The following ADCY3 variants were observed in gnomAD, a reference collection of about 807,000 sequenced individuals.
The protein encoded by ADCY3 is adenylate cyclase type 3.
A neutral mutation model predicts 119.4 loss-of-function variants in ADCY3; 70 were observed. The observed-to-expected ratio is 0.59, with a 90% CI of 0.48 to 0.72. The LOEUF is 0.72. Ranked by LOEUF, ADCY3 falls within the 30% of genes least tolerant of loss-of-function variation. ADCY3 has a pLI of 0.00. For synonymous variants in ADCY3, 672 were observed against 621.4 expected (o/e 1.08, Z -1.21); for missense variants, 1,238 against 1,541.6 (o/e 0.80, Z 3.30).
chr2:24,916,175 G>A (rs1664428493), intron 2 of ADCY3, among the ~76,000 whole-genome samples: 1 of 152,150 alleles, frequency 6.6e-6, no homozygotes, highest in South Asian at 2.1e-4. Flanking sequence ...AAGTTTTAGG[G>A]TTTTATGTCT....
In ADCY3 at chr2:24,842,492, A is replaced by G; in HGVS notation, c.826-108T>C. ...ATCCTGGCAAGAAACGTGAGCAGGG[A>G]ACCATGCTGCCCTCCAGAGAGACCT... On this transcript the variant is annotated intron_variant, in intron 3 of 21. Coordinates refer to ENST00000679454, the MANE Select transcript of ADCY3 (RefSeq NM_004036.5). This position sits in a 1 kb window ranked among gnomAD's most constrained non-coding sequence, Gnocchi z 4.9. 7.1e-7 allele frequency: 1 copy of G among 1,407,568 alleles called. No homozygotes were observed. The highest frequency in any genetic ancestry group is 9.7e-7 in the Non-Finnish European group (1 of 1,029,312). 87.2% of individuals were successfully genotyped at this position (1,407,568 alleles called of 1,614,324 possible).
At chr2:24,874,932 C>T (rs909646996) in intron 2 of ADCY3, among the ~76,000 whole-genome samples, 1 of 152,232 alleles carries the variant, frequency 6.6e-6, no homozygotes, top group African/African-American at 2.4e-5. Context: ...CCTGACCCTG[C>T]TTCCAGCCTG....
chr2:24,904,332 C>T (rs910556631), intron 2 of ADCY3, among the ~76,000 whole-genome samples: 1 of 151,962 alleles, frequency 6.6e-6, no homozygotes, highest in Admixed American at 6.6e-5. Context: ...GAGTTTGAGG[C>T]CAGCCTGACC....
chr2:24,824,450 G>A lies in ADCY3; in HGVS notation c.2664C>T (p.Asn888=), dbSNP rs1031082505. 26 of 1,614,226 alleles carry A rather than the reference G, an allele frequency of 1.6e-5. No homozygotes were observed. The highest frequency in any genetic ancestry group is 2.2e-5 in the South Asian group (2 of 91,090). ...GCAACATGTTGGTGACCAAGGCCTC[G>A]TTCCAGCGTCGCATCTCATAGACAC... ...KERVYEMRRW[N]EALVTNMLPE... is the part of the protein sequence containing the mutation. Residue 888 remains asparagine, a synonymous_variant, in exon 17 of 22, where the codon AAC becomes AAT. Transcript: ENST00000679454.
intron 2 of ADCY3, among the ~76,000 whole-genome samples, chr2:24,886,569 CA>C (rs1677055525): frequency 6.6e-6 from 1 of 152,182 alleles, no homozygotes; most frequent in Admixed American, 6.5e-5. Context: ...TTCGCCTTGA[CA>C]CAGAAACTCT....
At chr2:24,857,791 A>G (rs977177180) in intron 3 of ADCY3, among the ~76,000 whole-genome samples, 7 of 152,152 alleles carry the variant, frequency 4.6e-5, no homozygotes, top group African/African-American at 7.2e-5. Context: ...TAAAGGCCCA[A>G]GAAAATTATA....
Position 24,827,560 on chromosome 2 carries a change from G to C in ADCY3, c.2481C>G (p.Leu827=). ...LEQMQGFNPG[L]NGTDRLPLVP... ...GTGGCCCTTACCTGTCAGTGCCATT[G>C]AGCCCAGGGTTGAATCCTTGCATCT... is the stretch of plus-strand genomic sequence containing the variant. Residue 827 remains leucine, a synonymous_variant, in exon 15 of 22, where the codon CTC becomes CTG. Transcript: ENST00000679454. 1 of 1,588,486 alleles carries C rather than the reference G, an allele frequency of 6.3e-7. No homozygotes were observed. Among genetic ancestry groups the C allele is most frequent in the South Asian group, 1.1e-5 (1 of 87,722 alleles).
chr2:24,889,926 C>T (rs1033040239), intron 2 of ADCY3, among the ~76,000 whole-genome samples: 1 of 152,224 alleles, frequency 6.6e-6, no homozygotes, highest in Non-Finnish European at 1.5e-5. Context: ...AAAAAGAGAA[C>T]ATTCAGACTT....
At position 24,838,391 on chromosome 2, in the gene ADCY3, C is replaced by T. The variant is rs1572849012; in HGVS notation, c.1533+54G>A. 7 of 1,461,188 alleles carry T rather than the reference C, an allele frequency of 4.8e-6. No homozygotes were observed. In the East Asian group the frequency reaches 1.6e-4, roughly 32 times the overall value. 90.5% of individuals were successfully genotyped at this position (1,461,188 alleles called of 1,614,324 possible). The stretch of plus-strand genomic sequence containing the variant: ...TTCCTTAATCTCCTCCTTTCCAACC[C>T]CCTAATCCAGGGGTGGGGTGGGTGG... On this transcript the variant is annotated intron_variant, in intron 8 of 21. Transcript: ENST00000679454.
chr2:24,857,056 G>A (rs1368727443), intron 3 of ADCY3, among the ~76,000 whole-genome samples: 2 of 152,220 alleles, frequency 1.3e-5, no homozygotes, highest in Non-Finnish European at 2.9e-5. Flanking sequence ...TGTTGGCGGG[G>A]CCAGACTAAC....
chr2:24,826,492 G>A lies in ADCY3; in HGVS notation c.2496-366C>T, dbSNP rs557813481. On this transcript the variant is annotated intron_variant, in intron 15 of 21. Transcript: ENST00000679454. ...GATGGGATTTCATAGCCATGGGACTGGGGTACAATCTCACCATGGCTTTTT... is the reference window on the plus strand; with the variant it reads ...GATGGGATTTCATAGCCATGGGACTAGGGTACAATCTCACCATGGCTTTTT... The A allele has an allele frequency of 4.6e-4, 94 of 203,510 alleles. 3 individuals carry two copies. In the South Asian group the frequency reaches 9.0e-3, roughly 20 times the overall value. 12.6% of individuals were successfully genotyped at this position (203,510 alleles called of 1,614,324 possible).
intron 18 of ADCY3, 66 bp downstream of exon 18, chr2:24,823,143 A>G (rs565484898): frequency 3.2e-6 from 5 of 1,554,998 alleles, no homozygotes; most frequent in Non-Finnish European, 2.6e-6. Context: ...TCTGCAGCCT[A>G]TTGTAGGATG....
intron 3 of ADCY3, among the ~76,000 whole-genome samples, chr2:24,865,303 G>A (rs1376293587): frequency 6.6e-6 from 1 of 152,106 alleles, no homozygotes; most frequent in Non-Finnish European, 1.5e-5. Flanking sequence ...AAATTAGGCA[G>A]GCGTGGTGGT....
At chr2:24,829,476 C>T (rs1669133542) in intron 13 of ADCY3, among the ~76,000 whole-genome samples, 1 of 123,304 alleles carries the variant, frequency 8.1e-6, no homozygotes, top group Non-Finnish European at 1.6e-5. Flanking sequence ...GGCTGGAGTG[C>T]AGTGCACAAT....
At chr2:24,837,132 G>A (rs1230242236) in intron 8 of ADCY3, 87 bp from the exon 9 acceptor site, 25 of 1,453,876 alleles carry the variant, frequency 1.7e-5, no homozygotes, top group African/African-American at 2.8e-5. Context: ...CGTGGGAGGC[G>A]GTGGGATTAG....
At position 24,841,533 on chromosome 2, in the gene ADCY3, G is replaced by A; in HGVS notation, c.1068+23C>T. The A allele has an allele frequency of 6.2e-7, 1 of 1,601,606 alleles. No homozygotes were observed. The highest frequency in any genetic ancestry group is 8.5e-7 in the Non-Finnish European group (1 of 1,171,494). On this transcript the variant is annotated intron_variant, in intron 5 of 21. Coordinates refer to ENST00000679454, the MANE Select transcript of ADCY3 (RefSeq NM_004036.5). The surrounding 1 kb of genome is among the most constrained non-coding windows in gnomAD (Gnocchi z 5.8). ...CCATGAGGGCAGGCCCCGCTGGAGAGCCAGGCGGGGCCAGGGACTTACAGC... is the reference window on the plus strand; with the variant it reads ...CCATGAGGGCAGGCCCCGCTGGAGAACCAGGCGGGGCCAGGGACTTACAGC...
chr2:24,839,067 AGAGTAGCT>A lies in ADCY3; in HGVS notation c.1356-453_1356-446del, dbSNP rs1460750352. Among the ~76,000 whole-genome samples the A allele has an allele frequency of 7.3e-5, 11 of 150,420 alleles. No individual in the cohort carries two copies. The South Asian group carries it at 1.9e-3, about 26-fold the overall frequency. ...AAGCAATTCTCCTGCCTCAGCCTCC[AGAGTAGCT>A]GGAATTACAGGTGCACACCACCACA... On this transcript the variant is annotated intron_variant, in intron 7 of 21. Coordinates refer to ENST00000679454, the MANE Select transcript of ADCY3 (RefSeq NM_004036.5).
chr2:24,851,765 C>T (rs1444844016), intron 3 of ADCY3, among the ~76,000 whole-genome samples: 1 of 152,170 alleles, frequency 6.6e-6, no homozygotes, highest in African/African-American at 2.4e-5. Flanking sequence ...TGAGTTCCTT[C>T]CTCAGCAAAG....
intron 3 of ADCY3, among the ~76,000 whole-genome samples, chr2:24,852,770 G>A (rs967089674): frequency 6.6e-6 from 1 of 152,208 alleles, no homozygotes; most frequent in Admixed American, 6.5e-5. Flanking sequence ...GGTTGCCCTC[G>A]TCACTGCCAC....
Sources: gnomAD v4.1 joint callset for allele counts (sites outside exome capture counted in the v4.1 genomes callset) on GRCh38, gnomAD v4.1.1 for gene constraint, Gnocchi (gnomAD v3.1) non-coding constraint, MANE v1.5 for transcripts, NCBI Gene and HGNC (gene_info 2026-07-23, HGNC 2026-07-21) for gene names.